Variants in BAG1 observed in about 807,000 individuals in gnomAD.
BAG1 encodes BAG family molecular chaperone regulator 1.
A neutral mutation model predicts 35.5 loss-of-function variants in BAG1; 35 were observed. The observed-to-expected ratio is 0.99, with a 90% CI of 0.75 to 1.31. BAG1 has a LOEUF of 1.31. Among genes scored for constraint, BAG1 ranks in the 50% most tolerant of loss-of-function variants. The pLI is 0.00. For synonymous variants in BAG1, 191 were observed against 178.9 expected, an observed-to-expected ratio of 1.07 and a Z score of -0.54; for missense variants, 464 against 453.6, an observed-to-expected ratio of 1.02 and a Z score of -0.21.
Position 33,257,044 on chromosome 9 carries a change from T to TA in BAG1, c.778-137dup, listed in dbSNP as rs1820470829. 6 of 630,268 alleles carry TA rather than the reference T, an allele frequency of 9.5e-6. No individual in the cohort carries two copies. In the South Asian group the frequency reaches 1.0e-4, roughly 11 times the overall value. 39.0% of individuals were successfully genotyped at this position (630,268 alleles called of 1,614,324 possible). ...AGGCCACATCTCAGATCCACAACTT[T>TA]AACTCTTGGAAAAATTAAAAAGGCT... On this transcript the variant is annotated intron_variant, in intron 4 of 6. Transcript: ENST00000634734.
At position 33,264,661 on chromosome 9, in the gene BAG1, C is replaced by G. The variant is rs538054024; in HGVS notation, c.14G>C (p.Gly5Ala). The G allele has an allele frequency of 1.5e-6, 2 of 1,347,126 alleles. No individual in the cohort carries two copies. The highest frequency in any genetic ancestry group is 1.5e-5 in the African/African-American group (1 of 65,008). 83.4% of individuals were successfully genotyped at this position (1,347,126 alleles called of 1,614,324 possible). A position where few individuals can be genotyped will look rare whatever the true frequency, so the allele number is the denominator to read the frequency against. ...GTCGCCTCGCGGTCTCCGCGCCCCC[C>G]CGCGCTGAGCCAGGCCCGCACTTGT... is the stretch of plus-strand genomic sequence containing the variant. The change falls in exon 1 of 7, where the codon GGG becomes GCG. Residue 5 changes from glycine (G) to alanine (A), a missense_variant. Coordinates refer to ENST00000634734, the MANE Select transcript of BAG1 (RefSeq NM_004323.6).
At chr9:33,262,164 A>C in intron 2 of BAG1, 1 of 1,289,840 alleles carries the variant, frequency 7.8e-7, no homozygotes, top group Non-Finnish European at 1.0e-6. Flanking sequence ...TGCCATCATC[A>C]TAAGACTTCA....
Position 33,262,762 on chromosome 9 carries a change from C to T in BAG1, c.520G>A (p.Ala174Thr). ...CCTATGACCTCTTCAACAACCTGGG[C>T]CAGGTCTTGGACAACTGGTTCACTG... Residue 174 changes from alanine to threonine, a missense_variant, in exon 2 of 7, where the codon GCC (alanine) becomes ACC (threonine). Ala to Thr is a moderately conservative substitution (Grantham distance 58). Transcript: ENST00000634734. 1.2e-6 allele frequency: 2 copies of T among 1,614,124 alleles called. No individual in the cohort carries two copies. Among genetic ancestry groups the T allele is most frequent in the Non-Finnish European group, 1.7e-6 (2 of 1,180,012 alleles).
intron 4 of BAG1, chr9:33,258,127 T>A (rs959681438): frequency 6.6e-6 from 1 of 151,106 alleles, no homozygotes; most frequent in Non-Finnish European, 1.5e-5. Context: ...CCCATCTCTA[T>A]TAAAAATACA....
intron 5 of BAG1, 44 bp downstream of exon 5, chr9:33,256,757 A>G (rs750072265): frequency 6.7e-7 from 1 of 1,496,484 alleles, no homozygotes; most frequent in African/African-American, 1.4e-5. Flanking sequence ...TGACTGAAAT[A>G]AAGTCAAAGA....
At chr9:33,263,957 A>G (rs1316771592) in intron 1 of BAG1, among the ~76,000 whole-genome samples, 1 of 152,154 alleles carries the variant, frequency 6.6e-6, no homozygotes, top group African/African-American at 2.4e-5. Flanking sequence ...ACACAAACAC[A>G]ACCAGGCCCA....
rs1312065541 is a variant in BAG1, at chr9:33,259,051, A to G, written c.664-18T>C. On this transcript the variant is annotated intron_variant, in intron 3 of 6. Transcript: ENST00000634734. ...GGACTGTTCTAAAATGTTTAAGAAG[A>G]AAATAAAGCCAATAGTCAAAAAGAA... 6.2e-7 allele frequency: 1 copy of G among 1,603,392 alleles called. No homozygotes were observed. Among genetic ancestry groups the G allele is most frequent in the Non-Finnish European group, 8.5e-7 (1 of 1,170,898 alleles).
chr9:33,264,172 C>A (rs759233914), intron 1 of BAG1, 52 bp downstream of exon 1: 1 of 1,530,692 alleles, frequency 6.5e-7, no homozygotes, highest in Non-Finnish European at 8.8e-7. Flanking sequence ...ACCCACAGAC[C>A]CCGCCGGGCT....
Position 33,254,894 on chromosome 9 carries a change from C to T in BAG1, c.*325G>A. ...GGGGGCCTATAAACCTGAAACTGGC[C>T]CAAGGCAAATTAGAGCTCTCACCAG... On this transcript the variant is annotated 3_prime_UTR_variant, in exon 7 of 7. Transcript: ENST00000634734. 1 of 796,424 alleles carries T rather than the reference C, an allele frequency of 1.3e-6. No homozygotes were observed. Among genetic ancestry groups the T allele is most frequent in the Non-Finnish European group, 1.8e-6 (1 of 561,792 alleles). 49.3% of individuals were successfully genotyped at this position (796,424 alleles called of 1,614,324 possible).
chr9:33,257,885 G>A (rs1427496096), intron 4 of BAG1: 2 of 152,124 alleles, frequency 1.3e-5, no homozygotes, highest in Non-Finnish European at 2.9e-5. Context: ...TTCAGGCTTT[G>A]GTAATCGTCA....
In BAG1 at chr9:33,262,374, T is replaced by C. The variant is rs151234413; in HGVS notation, c.580+328A>G. ...AAGCCGGAAAAGAAATGCTTACCCTTGGCCAGGTGCAGTGGCTCACACCTG... is the reference window on the plus strand; with the variant it reads ...AAGCCGGAAAAGAAATGCTTACCCTCGGCCAGGTGCAGTGGCTCACACCTG... On this transcript the variant is annotated intron_variant, in intron 2 of 6. Transcript: ENST00000634734. The C allele has an allele frequency of 1.9e-4, 223 of 1,152,128 alleles. 5 individuals carry two copies. The East Asian group carries it at 0.012, about 60-fold the overall frequency. 71.4% of individuals were successfully genotyped at this position (1,152,128 alleles called of 1,614,324 possible).
intron 3 of BAG1, chr9:33,259,304 T>C (rs1820521330): frequency 4.0e-6 from 1 of 251,756 alleles, no homozygotes; most frequent in Non-Finnish European, 7.8e-6. Context: ...TGGAGGTTTG[T>C]AGTGAGCTGA....
In BAG1 at chr9:33,255,944, T is replaced by G. The variant is rs77659329; in HGVS notation, c.886-17A>C. 30,017 of 1,597,680 alleles carry G rather than the reference T, an allele frequency of 0.019. 615 individuals carry two copies. The highest frequency in any genetic ancestry group is 0.096 in the Admixed American group (5,747 of 59,986). On this transcript the variant is annotated splice_polypyrimidine_tract_variant and intron_variant, in intron 5 of 6. Transcript: ENST00000634734. The stretch of plus-strand genomic sequence containing the variant: ...TGGCAGGATCTATGGAAGAGTAAGT[T>G]GATAATACAAGTTAGTAAATAGTAA...
At chr9:33,264,175 G>A (rs927479339) in intron 1 of BAG1, 49 bp downstream of exon 1, 2 of 1,535,426 alleles carry the variant, frequency 1.3e-6, no homozygotes, top group African/African-American at 2.7e-5. Context: ...CACAGACCCC[G>A]CCGGGCTTTC....
rs1820373553 is a variant in BAG1, at chr9:33,253,156, G to A, written c.*2063C>T. On this transcript the variant is annotated 3_prime_UTR_variant, in exon 7 of 7. Coordinates refer to ENST00000634734, the MANE Select transcript of BAG1 (RefSeq NM_004323.6). Reference sequence around the variant, plus strand: ...AAAGAAAATGAACTAGAGCAGAGAGGAAGTGGGAGCTAGAGGGAGAGGCAG... The same window carrying A: ...AAAGAAAATGAACTAGAGCAGAGAGAAAGTGGGAGCTAGAGGGAGAGGCAG... The A allele has an allele frequency of 6.6e-6, 1 of 152,324 alleles. No homozygotes were observed. The highest frequency in any genetic ancestry group is 1.5e-5 in the Non-Finnish European group (1 of 68,156). 9.4% of individuals were successfully genotyped at this position (152,324 alleles called of 1,614,324 possible). A position where few individuals can be genotyped will look rare whatever the true frequency, so the allele number is the denominator to read the frequency against.
Position 33,264,678 on chromosome 9 carries a change from C to G in BAG1, c.-4G>C, listed in dbSNP as rs1395541948. 3.5e-5 allele frequency: 48 copies of G among 1,356,876 alleles called. No homozygotes were observed. The highest frequency in any genetic ancestry group is 2.7e-4 in the Middle Eastern group (1 of 3,668). 84.1% of individuals were successfully genotyped at this position (1,356,876 alleles called of 1,614,324 possible). The stretch of plus-strand genomic sequence containing the variant: ...GCGCCCCCCCGCGCTGAGCCAGGCC[C>G]GCACTTGTTGACCGCCCAGCGATGG... On this transcript the variant is annotated 5_prime_UTR_variant, in exon 1 of 7. Coordinates refer to ENST00000634734, the MANE Select transcript of BAG1 (RefSeq NM_004323.6).
intron 3 of BAG1, chr9:33,259,625 T>A (rs547804879): frequency 1.3e-5 from 2 of 153,280 alleles, no homozygotes; most frequent in East Asian, 3.9e-4. Context: ...AGTGCCAGAT[T>A]CAGTCTCAGC....
chr9:33,259,295 G>A (rs948299038), intron 3 of BAG1: 1 of 274,658 alleles, frequency 3.6e-6, no homozygotes, highest in Non-Finnish European at 7.0e-6. Flanking sequence ...CCTGGGAGGT[G>A]GAGGTTTGTA....
rs760932855 is a variant in BAG1 at position 33,259,192 on chromosome 9, C to T, written c.664-159G>A. The T allele has an allele frequency of 6.4e-4, 332 of 514,772 alleles. 2 individuals are homozygous for T. The highest frequency in any genetic ancestry group is 2.8e-3 in the Middle Eastern group (5 of 1,778). 31.9% of individuals were successfully genotyped at this position (514,772 alleles called of 1,614,324 possible). ...CCTGGCCAACATGGTGAAACACTGT[C>T]TCTACTAAAAAAACAAAAAAATTAG... On this transcript the variant is annotated intron_variant, in intron 3 of 6. Transcript: ENST00000634734.
Sources: allele counts gnomAD v4.1 joint callset (sites outside exome capture counted in the v4.1 genomes callset), GRCh38; gene constraint gnomAD v4.1.1; transcripts MANE v1.5; gene names NCBI Gene and HGNC (gene_info 2026-07-23, HGNC 2026-07-21).